Variants in UQCC1 observed in about 807,000 individuals in gnomAD.
UQCC1 encodes the protein bFGF-repressed Zic-binding protein.
In UQCC1, 38 loss-of-function variants were observed where a neutral mutation model predicts 48.0. The observed-to-expected ratio is 0.79, with a 90% CI of 0.61 to 1.04. The LOEUF (loss-of-function observed/expected upper bound fraction) is 1.04, where lower values mean the gene tolerates loss of function less well. Ranked by LOEUF, UQCC1 falls within the 50% of genes least tolerant of loss-of-function variation. The pLI is 0.00. For missense variants in UQCC1, 368 were observed against 381.8 expected (o/e 0.96, Z 0.30); for synonymous variants, 111 against 129.2 (o/e 0.86, Z 0.95).
intron 6 of UQCC1, among the ~76,000 whole-genome samples, chr20:35,358,522 T>C (rs547417822): frequency 1.6e-4 from 25 of 152,134 alleles, no homozygotes; most frequent in Non-Finnish European, 2.8e-4. Flanking sequence ...CTACTCTGAA[T>C]ATAGACTGAA....
At chr20:35,383,334 A>G (rs1047072865) in intron 3 of UQCC1, among the ~76,000 whole-genome samples, 11 of 152,250 alleles carry the variant, frequency 7.2e-5, no homozygotes, top group African/African-American at 2.2e-4. Context: ...TAAAAAATTC[A>G]TATGTTTTCC....
intron 8 of UQCC1, among the ~76,000 whole-genome samples, chr20:35,312,514 G>A (rs532344805): frequency 6.6e-6 from 1 of 152,274 alleles, no homozygotes; most frequent in Admixed American, 6.5e-5. Context: ...ACCCAGCCAA[G>A]GTGACAGATA....
intron 7 of UQCC1, among the ~76,000 whole-genome samples, chr20:35,324,541 T>G (rs930471470): frequency 1.3e-5 from 2 of 152,182 alleles, no homozygotes; most frequent in African/African-American, 4.8e-5. Flanking sequence ...TTAGCCAGGA[T>G]GGTCTCGATC....
In UQCC1 at chr20:35,303,232, G is replaced by A. The variant is rs1292973827; in HGVS notation, c.*703C>T. 2.6e-5 allele frequency: 4 copies of A among 152,222 alleles called. No individual in the cohort carries two copies. The highest frequency in any genetic ancestry group is 9.7e-5 in the African/African-American group (4 of 41,446). 9.4% of individuals were successfully genotyped at this position (152,222 alleles called of 1,614,324 possible). A position where few individuals can be genotyped will look rare whatever the true frequency, so the allele number is the denominator to read the frequency against. Reference sequence around the variant, plus strand: ...CTTCCAAATGACTTAGGATGTGAAAGCCCTTGGTCATCAGAGGCCTCCTGG... The same window carrying A: ...CTTCCAAATGACTTAGGATGTGAAAACCCTTGGTCATCAGAGGCCTCCTGG... On this transcript the variant is annotated 3_prime_UTR_variant, in exon 10 of 10. Coordinates refer to ENST00000374385, the MANE Select transcript of UQCC1 (RefSeq NM_018244.5).
At chr20:35,308,048 C>T (rs748740497) in intron 8 of UQCC1, among the ~76,000 whole-genome samples, 31 of 152,338 alleles carry the variant, frequency 2.0e-4, no homozygotes, top group Non-Finnish European at 3.8e-4. Flanking sequence ...AAGTGGTAAA[C>T]ATTACCCAAA....
chr20:35,403,280 T>C (rs1446660011), intron 1 of UQCC1, among the ~76,000 whole-genome samples: 3 of 152,094 alleles, frequency 2.0e-5, no homozygotes, highest in Non-Finnish European at 2.9e-5. Flanking sequence ...TTAGAATAGA[T>C]TAGAATAACT....
chr20:35,365,382 C>T (rs567262980), intron 6 of UQCC1, among the ~76,000 whole-genome samples: 2 of 152,212 alleles, frequency 1.3e-5, no homozygotes, highest in South Asian at 2.1e-4. Flanking sequence ...AGGCTGGGCA[C>T]GGTGGCTCAC....
At chr20:35,322,502 GGT>G (rs1479334438) in intron 7 of UQCC1, among the ~76,000 whole-genome samples, 4 of 152,180 alleles carry the variant, frequency 2.6e-5, no homozygotes, top group African/African-American at 9.7e-5. Flanking sequence ...GGGAGGCTGA[GGT>G]GGGCCGATAA....
intron 6 of UQCC1, among the ~76,000 whole-genome samples, chr20:35,363,197 T>G (rs987895463): frequency 2.6e-5 from 4 of 152,008 alleles, no homozygotes; most frequent in African/African-American, 9.7e-5. Context: ...AAATTTTGAG[T>G]TAGGTGACTG....
chr20:35,323,229 A>G (rs748108130), intron 7 of UQCC1, among the ~76,000 whole-genome samples: 6 of 152,334 alleles, frequency 3.9e-5, no homozygotes, highest in Non-Finnish European at 7.3e-5. Flanking sequence ...CACAAGCACA[A>G]AGCTAAAATT....
chr20:35,406,042 G>C (rs577005160), intron 1 of UQCC1, among the ~76,000 whole-genome samples: 30 of 151,766 alleles, frequency 2.0e-4, no homozygotes, highest in Middle Eastern at 3.4e-3. Flanking sequence ...GAAAGAAAAA[G>C]CAATAAAGAC....
At chr20:35,324,516 C>CG (rs1249749904) in intron 7 of UQCC1, among the ~76,000 whole-genome samples, 1 of 152,076 alleles carries the variant, frequency 6.6e-6, no homozygotes, top group Non-Finnish European at 1.5e-5. Context: ...TTAGTAGAGA[C>CG]GGGGTTTCAC....
rs1327857999 is a variant in UQCC1, at chr20:35,302,825, G to T, written c.*1110C>A. 2 of 152,218 alleles carry T rather than the reference G, an allele frequency of 1.3e-5. No homozygotes were observed. Among genetic ancestry groups the T allele is most frequent in the African/African-American group, 4.8e-5 (2 of 41,442 alleles). 9.4% of individuals were successfully genotyped at this position (152,218 alleles called of 1,614,324 possible). On this transcript the variant is annotated 3_prime_UTR_variant, in exon 10 of 10. Coordinates refer to ENST00000374385, the MANE Select transcript of UQCC1 (RefSeq NM_018244.5). ...ATTTGTAATGTTTTCACAGAAGTGG[G>T]ATATACCTCACCCATATAGAGTTTC...
intron 7 of UQCC1, among the ~76,000 whole-genome samples, chr20:35,316,430 C>T (rs1470825989): frequency 6.6e-6 from 1 of 152,140 alleles, no homozygotes; most frequent in African/African-American, 2.4e-5. Flanking sequence ...AGTCCACACT[C>T]CTTACAGTCT....
intron 8 of UQCC1, 65 bp downstream of exon 8, chr20:35,314,623 C>T: frequency 7.2e-7 from 1 of 1,391,690 alleles, no homozygotes; most frequent in Non-Finnish European, 1.0e-6. Context: ...CCCTCAGAGG[C>T]TCTCATCAAA....
At chr20:35,350,658 C>T (rs1008498109) in intron 6 of UQCC1, among the ~76,000 whole-genome samples, 2 of 152,070 alleles carry the variant, frequency 1.3e-5, no homozygotes, top group Admixed American at 6.6e-5. Flanking sequence ...CGCACCACTG[C>T]ACTCCAGCCT....
intron 7 of UQCC1, among the ~76,000 whole-genome samples, chr20:35,343,039 G>A (rs145657336): frequency 8.1e-4 from 123 of 152,198 alleles, no homozygotes; most frequent in Middle Eastern, 3.4e-3. Flanking sequence ...TCACTAACTC[G>A]AAAGTGGCTC....
chr20:35,332,043 G>C (rs187837141), intron 7 of UQCC1, among the ~76,000 whole-genome samples: 4 of 152,230 alleles, frequency 2.6e-5, no homozygotes, highest in South Asian at 2.1e-4. Flanking sequence ...TGGCAGAGCA[G>C]AGATTAGAAC....
At chr20:35,369,959 G>A (rs1399070034) in intron 5 of UQCC1, among the ~76,000 whole-genome samples, 3 of 152,138 alleles carry the variant, frequency 2.0e-5, no homozygotes, top group African/African-American at 4.8e-5. Flanking sequence ...CAACACTGTG[G>A]AATTCAACAG....
Sources: allele counts gnomAD v4.1 joint callset (sites outside exome capture counted in the v4.1 genomes callset), GRCh38; gene constraint gnomAD v4.1.1; transcripts MANE v1.5; gene names NCBI Gene and HGNC (gene_info 2026-07-23, HGNC 2026-07-21).